The following NEK11 variants were observed in gnomAD, a reference collection of about 807,000 sequenced individuals.
NEK11 encodes the protein NIMA related kinase 11.
A neutral mutation model predicts 80.7 loss-of-function variants in NEK11; 72 were observed. That is an observed-to-expected ratio of 0.89 (90% CI 0.74 to 1.08). The LOEUF is 1.08. Ranked by LOEUF, NEK11 falls within the 50% of genes least tolerant of loss-of-function variation. The pLI, the probability that NEK11 is intolerant of heterozygous loss-of-function variation, is 0.00. For missense variants in NEK11, 764 were observed against 763.6 expected (o/e 1.00, Z -0.01); for synonymous variants, 251 against 260.7 (o/e 0.96, Z 0.36).
chr3:131,188,725 T>C (rs2093684690), intron 14 of NEK11, among the ~76,000 whole-genome samples: 1 of 152,162 alleles, frequency 6.6e-6, no homozygotes, highest in South Asian at 2.1e-4. Flanking sequence ...TTATCAGGCA[T>C]CCATTCTGCT....
chr3:131,054,794 G>C (rs3886464), intron 3 of NEK11, among the ~76,000 whole-genome samples: 1 of 116,114 alleles, frequency 8.6e-6, no homozygotes, highest in Non-Finnish European at 1.8e-5. Flanking sequence ...ATAAATAAAT[G>C]AATGAATGTA....
intron 7 of NEK11, among the ~76,000 whole-genome samples, chr3:131,146,452 C>T (rs534987733): frequency 6.6e-6 from 1 of 151,998 alleles, no homozygotes; most frequent in Non-Finnish European, 1.5e-5. Flanking sequence ...CTGATAAAAC[C>T]AGAGTTTGAA....
intron 3 of NEK11, among the ~76,000 whole-genome samples, chr3:131,046,676 C>T (rs1247812376): frequency 6.6e-6 from 1 of 152,072 alleles, no homozygotes; most frequent in Non-Finnish European, 1.5e-5. Context: ...TGGTTTGCTG[C>T]ACCTATCAAC....
chr3:131,209,009 G>C (rs1414485965), intron 14 of NEK11, among the ~76,000 whole-genome samples: 1 of 152,174 alleles, frequency 6.6e-6, no homozygotes, highest in Non-Finnish European at 1.5e-5. Context: ...ATGTTGAATA[G>C]GAGTGGTGAG....
intron 4 of NEK11, among the ~76,000 whole-genome samples, chr3:131,086,518 T>C (rs1183756088): frequency 6.6e-6 from 1 of 152,232 alleles, no homozygotes; most frequent in Non-Finnish European, 1.5e-5. Flanking sequence ...GTTTATTTTG[T>C]TGCTCAAATT....
At chr3:131,101,897 A>G (rs1268814678) in intron 4 of NEK11, among the ~76,000 whole-genome samples, 1 of 152,164 alleles carries the variant, frequency 6.6e-6, no homozygotes, top group Non-Finnish European at 1.5e-5. Context: ...ATGAATCTGG[A>G]TACTATAGTA....
intron 3 of NEK11, among the ~76,000 whole-genome samples, chr3:131,030,758 C>A (rs16835559): frequency 0.012 from 1,843 of 152,310 alleles, 26 homozygotes; most frequent in East Asian, 0.072. Flanking sequence ...ATCGGACCCT[C>A]TACACTTTCA....
At chr3:131,336,745 C>T (rs1317696042) in intron 17 of NEK11, among the ~76,000 whole-genome samples, 6 of 152,178 alleles carry the variant, frequency 3.9e-5, no homozygotes, top group African/African-American at 1.4e-4. Flanking sequence ...TATCCAGAAT[C>T]TACAATGAAC....
intron 5 of NEK11, among the ~76,000 whole-genome samples, chr3:131,116,910 C>T: frequency 6.6e-6 from 1 of 152,134 alleles, no homozygotes; most frequent in East Asian, 1.9e-4. Context: ...CAAAAATTTT[C>T]TCCCATTCTG....
intron 3 of NEK11, among the ~76,000 whole-genome samples, chr3:131,030,741 G>T (rs1350782214): frequency 6.6e-6 from 1 of 152,120 alleles, no homozygotes; most frequent in Non-Finnish European, 1.5e-5. Context: ...CGTCTCTTTT[G>T]ATTATGATCG....
intron 3 of NEK11, among the ~76,000 whole-genome samples, chr3:131,066,840 C>CA (rs56140132): frequency 0.022 from 2,229 of 99,630 alleles, 33 homozygotes; most frequent in African/African-American, 0.035. Context: ...AGACTTGTCT[C>CA]AAAAAAAAAA....
At chr3:131,044,446 TG>T (rs59841218) in intron 3 of NEK11, among the ~76,000 whole-genome samples, 42,452 of 86,412 alleles carry the variant, frequency 0.49, 7,207 homozygotes, top group Middle Eastern at 0.61. Context: ...AAAAAAAAGG[TG>T]GGGGGGGGGG....
chr3:131,251,242 C>T (rs2095697406), intron 16 of NEK11, among the ~76,000 whole-genome samples: 1 of 148,824 alleles, frequency 6.7e-6, no homozygotes, highest in African/African-American at 2.5e-5. Flanking sequence ...ATATGGTTGA[C>T]TTTGGAGACT....
At chr3:131,260,817 G>A (rs770424031) in intron 16 of NEK11, among the ~76,000 whole-genome samples, 6 of 152,132 alleles carry the variant, frequency 3.9e-5, no homozygotes, top group Admixed American at 6.6e-5. Context: ...GCAAGACGAG[G>A]GTTAAAGATT....
At chr3:131,071,049 T>C (rs374094558) in intron 3 of NEK11, among the ~76,000 whole-genome samples, 10 of 152,344 alleles carry the variant, frequency 6.6e-5, no homozygotes, top group African/African-American at 2.4e-4. Context: ...TGTGCTTCTC[T>C]TGGGCCAGGC....
chr3:131,263,100 C>T (rs934372801), intron 16 of NEK11, among the ~76,000 whole-genome samples: 8 of 151,982 alleles, frequency 5.3e-5, no homozygotes, highest in South Asian at 2.1e-4. Context: ...AGGTTTGTTA[C>T]GTATGTATAC....
At chr3:131,309,810 G>A (rs1457157771) in intron 17 of NEK11, among the ~76,000 whole-genome samples, 1 of 151,350 alleles carries the variant, frequency 6.6e-6, no homozygotes, top group Admixed American at 6.6e-5. Flanking sequence ...CATAGCAAGA[G>A]TCATTCTTAC....
At chr3:131,056,093 A>G (rs2069425619) in intron 3 of NEK11, among the ~76,000 whole-genome samples, 1 of 152,150 alleles carries the variant, frequency 6.6e-6, no homozygotes, top group African/African-American at 2.4e-5. Context: ...GAGAAGGGGT[A>G]CTTGGGTTTT....
chr3:131,118,477 G>A (rs1230151656), intron 5 of NEK11, among the ~76,000 whole-genome samples: 1 of 152,148 alleles, frequency 6.6e-6, no homozygotes, highest in Admixed American at 6.5e-5. Flanking sequence ...TCAGGATGTT[G>A]CTGGCCTCAT....
Sources: allele counts gnomAD v4.1 joint callset (sites outside exome capture counted in the v4.1 genomes callset), GRCh38; gene constraint gnomAD v4.1.1; transcripts MANE v1.5; gene names NCBI Gene and HGNC (gene_info 2026-07-23, HGNC 2026-07-21).